STRN: variants seen among roughly 807,000 people sequenced by gnomAD.
STRN encodes the protein striatin, also known as protein phosphatase 2 regulatory subunit B'''alpha.
STRN carries 53 observed loss-of-function variants against 96.3 expected under a neutral mutation model. The observed-to-expected ratio is 0.55, with a 90% CI of 0.44 to 0.69. The LOEUF is 0.69. Among genes scored for constraint, STRN ranks in the 30% least tolerant of loss-of-function variants. The pLI, the probability that STRN is intolerant of heterozygous loss-of-function variation, is 0.00. For missense variants in STRN, 987 were observed against 963.9 expected (o/e 1.02, Z -0.32); for synonymous variants, 428 against 355.9 (o/e 1.20, Z -2.28).
At chr2:36,927,560 A>C (rs1256978919) in intron 1 of STRN, among the ~76,000 whole-genome samples, 1 of 148,526 alleles carries the variant, frequency 6.7e-6, no homozygotes, top group East Asian at 2.1e-4. Flanking sequence ...CAGGCATGGT[A>C]GCTAATACCT....
intron 15 of STRN, 26 bp downstream of exon 15, chr2:36,855,186 A>C: frequency 6.2e-7 from 1 of 1,606,332 alleles, no homozygotes. Context: ...AAATAAACAC[A>C]GACAATTTAA....
In STRN at chr2:36,849,811, A is replaced by T. The variant is rs1290850165; in HGVS notation, c.2087-11T>A. 5 of 1,613,558 alleles carry T rather than the reference A, an allele frequency of 3.1e-6. No individual in the cohort carries two copies. The highest frequency in any genetic ancestry group is 8.5e-7 in the Non-Finnish European group (1 of 1,179,582). On this transcript the variant is annotated splice_polypyrimidine_tract_variant and intron_variant, in intron 16 of 17. Coordinates refer to ENST00000263918, the MANE Select transcript of STRN (RefSeq NM_003162.4). ...AGTGGATCAGTTTGCCTTTGGAAAA[A>T]GAGATTGTTACTCCTTATTAATGCC...
intron 1 of STRN, among the ~76,000 whole-genome samples, chr2:36,963,034 C>A (rs555414403): frequency 3.3e-5 from 5 of 152,072 alleles, no homozygotes; most frequent in Non-Finnish European, 7.4e-5. Flanking sequence ...TTTTTCCCCC[C>A]ATGAACTACT....
intron 9 of STRN, among the ~76,000 whole-genome samples, chr2:36,879,718 C>T (rs1669017803): frequency 6.6e-6 from 1 of 152,100 alleles, no homozygotes; most frequent in African/African-American, 2.4e-5. Flanking sequence ...ACCCTAGCTG[C>T]TAAAGGGGTA....
chr2:36,945,764 T>C lies in STRN; in HGVS notation c.234+20466A>G, dbSNP rs565142343. 2.4e-4 allele frequency among the ~76,000 whole-genome samples: 37 copies of C among 152,296 alleles called. 1 individual carries two copies. In the East Asian group the frequency reaches 6.7e-3, roughly 28 times the overall value. On this transcript the variant is annotated intron_variant, in intron 1 of 17. Transcript: ENST00000263918. ...GAAATACTACAGGACCAACTTGATT[T>C]CATTAGTTAGTTAAATGAGAAAAAA...
At chr2:36,948,426 A>G (rs1558665690) in intron 1 of STRN, among the ~76,000 whole-genome samples, 2 of 152,108 alleles carry the variant, frequency 1.3e-5, no homozygotes, top group Non-Finnish European at 2.9e-5. Context: ...AGATCAGCCA[A>G]AAGGTATCAT....
chr2:36,947,973 AT>A (rs1188579248), intron 1 of STRN, among the ~76,000 whole-genome samples: 2 of 150,940 alleles, frequency 1.3e-5, no homozygotes, highest in Non-Finnish European at 2.9e-5. Context: ...ACTTTGGCTA[AT>A]TTTTTTTAAA....
chr2:36,926,416 G>C (rs548732420), intron 1 of STRN, among the ~76,000 whole-genome samples: 40 of 152,240 alleles, frequency 2.6e-4, no homozygotes, highest in African/African-American at 8.9e-4. Context: ...GACCCACTAA[G>C]ACAGGTAACA....
chr2:36,891,288 A>G (rs1464125987), intron 7 of STRN, among the ~76,000 whole-genome samples: 1 of 152,210 alleles, frequency 6.6e-6, no homozygotes, highest in East Asian at 1.9e-4. Context: ...GCGCTTTGGG[A>G]GGCCAAGGCA....
chr2:36,950,294 C>CA, intron 1 of STRN, among the ~76,000 whole-genome samples: 1 of 150,492 alleles, frequency 6.6e-6, no homozygotes, highest in Non-Finnish European at 1.5e-5. Context: ...CGGCTCACCG[C>CA]AACCTCCGTC....
At position 36,851,098 on chromosome 2, in the gene STRN, G is replaced by C. The variant is rs750010284; in HGVS notation, c.1988C>G (p.Ser663Cys). 2.9e-5 allele frequency: 46 copies of C among 1,612,542 alleles called. No individual in the cohort carries two copies. In the South Asian group the frequency reaches 4.7e-4, roughly 17 times the overall value. The change falls in exon 16 of 18, where the codon TCT becomes TGT. Residue 663 changes from serine (S) to cysteine (C), a missense_variant. Coordinates refer to ENST00000263918, the MANE Select transcript of STRN (RefSeq NM_003162.4). Reference protein sequence around the residue: ...LESNVDTTANSSCQINRVISH... With the variant: ...LESNVDTTANCSCQINRVISH... ...GATGACTCTATTTATTTGGCAGGAAGAGTTGGCTGCTAAAAAGAAAAAATT... is the reference window on the plus strand; with the variant it reads ...GATGACTCTATTTATTTGGCAGGAACAGTTGGCTGCTAAAAAGAAAAAATT...
intron 1 of STRN, among the ~76,000 whole-genome samples, chr2:36,928,478 C>T (rs1039505973): frequency 3.3e-5 from 5 of 150,826 alleles, no homozygotes; most frequent in African/African-American, 1.2e-4. Context: ...ATGGTGAAAC[C>T]CTGTCTCCAC....
chr2:36,932,795 G>C (rs1670607401), intron 1 of STRN, among the ~76,000 whole-genome samples: 1 of 152,082 alleles, frequency 6.6e-6, no homozygotes, highest in Non-Finnish European at 1.5e-5. Context: ...CTAAATGTAA[G>C]ATTACAAACA....
chr2:36,850,386 A>G (rs1032488229), intron 16 of STRN, among the ~76,000 whole-genome samples: 1 of 152,172 alleles, frequency 6.6e-6, no homozygotes, highest in Admixed American at 6.5e-5. Context: ...GTGCTTCCTA[A>G]ATTTCCTTTA....
chr2:36,911,192 G>A (rs1161507964), intron 3 of STRN, among the ~76,000 whole-genome samples: 1 of 151,994 alleles, frequency 6.6e-6, no homozygotes, highest in Non-Finnish European at 1.5e-5. Flanking sequence ...ACATCATCTT[G>A]AGTGAAATCA....
At chr2:36,958,123 T>A (rs185260846) in intron 1 of STRN, among the ~76,000 whole-genome samples, 2 of 151,934 alleles carry the variant, frequency 1.3e-5, no homozygotes, top group African/African-American at 4.8e-5. Flanking sequence ...TTTCACCATG[T>A]TGGCCAAGCT....
At chr2:36,963,851 G>A (rs917884123) in intron 1 of STRN, among the ~76,000 whole-genome samples, 2 of 145,120 alleles carry the variant, frequency 1.4e-5, no homozygotes, top group East Asian at 3.9e-4. Context: ...CAGCTACTTG[G>A]GAGGCTGAGG....
chr2:36,943,833 T>A (rs1372059000), intron 1 of STRN, among the ~76,000 whole-genome samples: 1 of 151,700 alleles, frequency 6.6e-6, no homozygotes, highest in Non-Finnish European at 1.5e-5. Context: ...TAAAACAAAC[T>A]TGGCCGAGCA....
In STRN at chr2:36,899,507, G is replaced by C. The variant is rs771970955; in HGVS notation, c.795+16C>G. 5 of 1,604,510 alleles carry C rather than the reference G, an allele frequency of 3.1e-6. No homozygotes were observed. Among genetic ancestry groups the C allele is most frequent in the Non-Finnish European group, 4.2e-6 (5 of 1,177,262 alleles). On this transcript the variant is annotated intron_variant, in intron 6 of 17. Coordinates refer to ENST00000263918, the MANE Select transcript of STRN (RefSeq NM_003162.4). ...GTCCCTAAAAATATTTATATTGTAT[G>C]AGTTATCTAACTCACTGTTGAAGTA... is the stretch of plus-strand genomic sequence containing the variant.
Sources: allele counts gnomAD v4.1 joint callset (sites outside exome capture counted in the v4.1 genomes callset), GRCh38; gene constraint gnomAD v4.1.1; transcripts MANE v1.5; gene names NCBI Gene and HGNC (gene_info 2026-07-23, HGNC 2026-07-21).